RPS6KA5: variants seen among roughly 807,000 people sequenced by gnomAD.
RPS6KA5 encodes ribosomal protein S6 kinase A5, also known as ribosomal protein S6 kinase alpha-5.
RPS6KA5 carries 27 observed loss-of-function variants against 85.5 expected under a neutral mutation model. The ratio of observed to expected loss-of-function variants is 0.32; its 90% CI spans 0.23 to 0.44. The LOEUF is 0.44. Ranked by LOEUF, RPS6KA5 falls within the 20% of genes least tolerant of loss-of-function variation. The pLI, the probability that RPS6KA5 is intolerant of heterozygous loss-of-function variation, is 1.00. For missense variants in RPS6KA5, 811 were observed against 980.9 expected (o/e 0.83, Z 2.31); for synonymous variants, 334 against 348.2 (o/e 0.96, Z 0.46).
chr14:90,898,787 G>A (rs1332905863), intron 12 of RPS6KA5, among the ~76,000 whole-genome samples: 1 of 152,226 alleles, frequency 6.6e-6, no homozygotes, highest in African/African-American at 2.4e-5. Context: ...GCAGGACTGA[G>A]AGCAGAAGAG....
At chr14:90,987,868 G>T (rs1303728291) in intron 2 of RPS6KA5, among the ~76,000 whole-genome samples, 3 of 152,108 alleles carry the variant, frequency 2.0e-5, no homozygotes, top group Admixed American at 6.5e-5. Flanking sequence ...CTCACTCCAA[G>T]GTTTCATAAA....
chr14:91,045,904 C>T (rs2042852924), intron 1 of RPS6KA5, among the ~76,000 whole-genome samples: 1 of 152,152 alleles, frequency 6.6e-6, no homozygotes, highest in African/African-American at 2.4e-5. Flanking sequence ...TCAAGCCAGA[C>T]ACCTTCCTTC....
At chr14:90,947,108 A>T (rs1414516090) in intron 4 of RPS6KA5, among the ~76,000 whole-genome samples, 2 of 152,228 alleles carry the variant, frequency 1.3e-5, no homozygotes, top group Admixed American at 1.3e-4. Context: ...AATACATATT[A>T]TGACTGATGG....
intron 2 of RPS6KA5, among the ~76,000 whole-genome samples, chr14:90,988,224 T>C (rs540160092): frequency 1.3e-4 from 20 of 152,364 alleles, no homozygotes; most frequent in Admixed American, 3.9e-4. Flanking sequence ...GCAGGACACA[T>C]TTTAGGCTTT....
At chr14:90,954,353 T>G (rs1288895721) in intron 3 of RPS6KA5, among the ~76,000 whole-genome samples, 3 of 152,196 alleles carry the variant, frequency 2.0e-5, no homozygotes, top group Non-Finnish European at 4.4e-5. Context: ...TTTGGTAACA[T>G]TTACTAGTGA....
intron 3 of RPS6KA5, among the ~76,000 whole-genome samples, chr14:90,951,991 T>C (rs1353643553): frequency 6.6e-6 from 1 of 152,092 alleles, no homozygotes; most frequent in Non-Finnish European, 1.5e-5. Context: ...CAATACCCCT[T>C]TATGGGACTT....
At chr14:90,968,732 T>C (rs1375986460) in intron 3 of RPS6KA5, among the ~76,000 whole-genome samples, 1 of 152,188 alleles carries the variant, frequency 6.6e-6, no homozygotes, top group Admixed American at 6.5e-5. Context: ...TCAGCCCAAA[T>C]TGAGCCCCTC....
Position 90,943,140 on chromosome 14 carries a change from C to T in RPS6KA5, c.556G>A (p.Asp186Asn). The T allele has an allele frequency of 6.2e-7, 1 of 1,612,480 alleles. No individual in the cohort carries two copies. Among genetic ancestry groups the T allele is most frequent in the African/African-American group, 1.3e-5 (1 of 74,982 alleles). ...RDIKLENILLDSNGHVVLTDF... is the reference protein window; with the variant it reads ...RDIKLENILLNSNGHVVLTDF... ...GTCAGCACCACATGGCCATTAGAAT[C>T]AAGTAGAATATTCTCAAGCTTAATA... Residue 186 changes from aspartate (D) to asparagine (N), a missense_variant, in exon 5 of 17, where the codon GAT becomes AAT. Asp to Asn is a conservative substitution (Grantham distance 23, BLOSUM62 1). This residue lies in a region of RPS6KA5 where 650 missense variants were observed against 793.4 expected (regional missense o/e 0.82). Transcript: ENST00000614987.
intron 2 of RPS6KA5, among the ~76,000 whole-genome samples, chr14:90,982,040 T>C (rs1332161832): frequency 6.6e-6 from 1 of 152,240 alleles, no homozygotes; most frequent in Non-Finnish European, 1.5e-5. Flanking sequence ...GTAGTCCTTC[T>C]GTTGAATAAT....
At chr14:90,920,889 T>C (rs913647991) in intron 6 of RPS6KA5, among the ~76,000 whole-genome samples, 5 of 152,038 alleles carry the variant, frequency 3.3e-5, no homozygotes, top group African/African-American at 1.2e-4. Context: ...ATATATAATT[T>C]AAAGAATCTT....
intron 7 of RPS6KA5, among the ~76,000 whole-genome samples, chr14:90,908,498 A>G (rs967151995): frequency 6.6e-6 from 1 of 152,132 alleles, no homozygotes; most frequent in Non-Finnish European, 1.5e-5. Flanking sequence ...TGTGGAAGGA[A>G]TATCACTTAG....
chr14:90,883,575 C>T (rs926454649), intron 14 of RPS6KA5, among the ~76,000 whole-genome samples: 11 of 152,074 alleles, frequency 7.2e-5, no homozygotes, highest in Non-Finnish European at 1.6e-4. Flanking sequence ...CTTTCAATGT[C>T]TTTAACACAG....
At chr14:90,883,751 T>G (rs1209554635) in intron 14 of RPS6KA5, among the ~76,000 whole-genome samples, 2 of 152,218 alleles carry the variant, frequency 1.3e-5, no homozygotes, top group Non-Finnish European at 2.9e-5. Context: ...CCTCTGGGAA[T>G]CAAAATTCTC....
chr14:91,036,703 A>T (rs2042424260), intron 1 of RPS6KA5, among the ~76,000 whole-genome samples: 1 of 152,216 alleles, frequency 6.6e-6, no homozygotes, highest in Admixed American at 6.5e-5. Flanking sequence ...TTTTGCCAGG[A>T]TTCCCTAAGG....
At chr14:91,059,766 T>A (rs117444804) in intron 1 of RPS6KA5, among the ~76,000 whole-genome samples, 3,040 of 152,296 alleles carry the variant, frequency 0.02, 45 homozygotes, top group South Asian at 0.035. Context: ...AGGCACTCAA[T>A]CCCTGGAGCC....
Position 90,873,778 on chromosome 14 carries a change from G to T in RPS6KA5, c.2014C>A (p.Pro672Thr). The change falls in exon 16 of 17, where the codon CCA (proline) becomes ACA (threonine). Residue 672 changes from proline (P) to threonine (T), a missense_variant. Transcript: ENST00000614987. The stretch of plus-strand genomic sequence containing the variant: ...CCAGACATTTTAAGCCTTTTGTTTG[G>T]ATCTACTGTGAGAAGTCCTTTGGGA... ...DLIQGLLTVDPNKRLKMSGLR... is the reference protein window; with the variant it reads ...DLIQGLLTVDTNKRLKMSGLR... 6.2e-7 allele frequency: 1 copy of T among 1,613,660 alleles called. No homozygotes were observed. Among genetic ancestry groups the T allele is most frequent in the Non-Finnish European group, 8.5e-7 (1 of 1,179,820 alleles).
Position 90,894,603 on chromosome 14 carries a change from A to G in RPS6KA5, c.1474-20T>C, listed in dbSNP as rs765807642. ...GTGAAGCTAGAAAAGAGAAAGAATA[A>G]CGTGGAGGGCCTTCCTGAAGCACAG... On this transcript the variant is annotated intron_variant, in intron 12 of 16. Transcript: ENST00000614987. The G allele has an allele frequency of 6.2e-7, 1 of 1,611,242 alleles. No homozygotes were observed. Among genetic ancestry groups the G allele is most frequent in the Non-Finnish European group, 8.5e-7 (1 of 1,178,104 alleles).
At chr14:90,985,510 A>AG (rs1223712200) in intron 2 of RPS6KA5, among the ~76,000 whole-genome samples, 3 of 152,230 alleles carry the variant, frequency 2.0e-5, no homozygotes, top group Non-Finnish European at 4.4e-5. Context: ...CCAAGGTGAG[A>AG]GCAATGTTTT....
intron 1 of RPS6KA5, among the ~76,000 whole-genome samples, chr14:91,026,629 T>C (rs1484257027): frequency 1.3e-5 from 2 of 152,236 alleles, no homozygotes; most frequent in Non-Finnish European, 2.9e-5. Context: ...TACAAGTGCA[T>C]GTGTCTATTG....
Sources: gnomAD v4.1 joint callset for allele counts (sites outside exome capture counted in the v4.1 genomes callset) on GRCh38, gnomAD v4.1.1 for gene constraint, gnomAD v4.1.1 regional missense constraint, MANE v1.5 for transcripts, NCBI Gene and HGNC (gene_info 2026-07-23, HGNC 2026-07-21) for gene names.